The following CDHR3 variants were observed in gnomAD, a reference collection of about 807,000 sequenced individuals.
CDHR3 encodes cadherin-related family member 3.
Under a neutral mutation model 86.6 loss-of-function variants are expected in CDHR3, and 79 were observed. The ratio of observed to expected loss-of-function variants is 0.91; its 90% confidence interval spans 0.76 to 1.10. CDHR3 has a LOEUF of 1.10. Among genes scored for constraint, CDHR3 ranks in the 50% least tolerant of loss-of-function variants. The pLI is 0.00. For missense variants in CDHR3, 1,081 were observed against 1,077.6 expected, an observed-to-expected ratio of 1.00 and a Z score of -0.04; for synonymous variants, 421 against 402.4, an observed-to-expected ratio of 1.05 and a Z score of -0.55.
chr7:106,015,129 T>A lies in CDHR3; in HGVS notation c.1243T>A (p.Tyr415Asn). The A allele has an allele frequency of 6.2e-7, 1 of 1,608,332 alleles. No individual in the cohort carries two copies. The highest frequency in any genetic ancestry group is 8.5e-7 in the Non-Finnish European group (1 of 1,177,298). ...AATCTAGCTGATTGGTGATCTAGAC[T>A]ACGAAAATCCAAGTAACCTAGCAGC... Reference protein sequence around the residue: ...GKIVLIGDLDYENPSNLAAGN... With the variant: ...GKIVLIGDLDNENPSNLAAGN... Residue 415 changes from tyrosine to asparagine, a missense_variant, in exon 10 of 19, where the codon TAC (tyrosine) becomes AAC (asparagine). Coordinates refer to ENST00000317716, the MANE Select transcript of CDHR3 (RefSeq NM_152750.5).
intron 9 of CDHR3, among the ~76,000 whole-genome samples, chr7:106,013,335 G>A (rs1835099095): frequency 6.6e-6 from 1 of 152,142 alleles, no homozygotes; most frequent in Non-Finnish European, 1.5e-5. Context: ...CTGTGCTCAG[G>A]CACTTTTGTT....
At chr7:106,002,412 G>A (rs1468838320) in intron 7 of CDHR3, among the ~76,000 whole-genome samples, 2 of 152,344 alleles carry the variant, frequency 1.3e-5, no homozygotes, top group East Asian at 3.9e-4. Context: ...AAACCTGGGA[G>A]AATTTAGCAA....
chr7:106,019,424 A>G (rs1384688702), intron 12 of CDHR3, among the ~76,000 whole-genome samples: 1 of 150,498 alleles, frequency 6.6e-6, no homozygotes, highest in Non-Finnish European at 1.5e-5. Flanking sequence ...AATGGACTCC[A>G]CTCTGGGGGC....
intron 4 of CDHR3, among the ~76,000 whole-genome samples, chr7:105,990,603 T>C (rs1243682063): frequency 6.6e-6 from 1 of 152,174 alleles, no homozygotes; most frequent in Non-Finnish European, 1.5e-5. Context: ...TGTGGAGCCA[T>C]TGACACTCCC....
chr7:105,975,376 G>A (rs1270786552), intron 2 of CDHR3, among the ~76,000 whole-genome samples: 2 of 152,216 alleles, frequency 1.3e-5, no homozygotes, highest in East Asian at 3.9e-4. Flanking sequence ...GGAGTAGTTT[G>A]GATATTGATC....
In CDHR3 at chr7:105,994,792, T is replaced by C; in HGVS notation, c.555T>C (p.Ala185=). Residue 185 remains alanine (A), a synonymous_variant, in exon 5 of 19, where the codon GCT becomes GCC. Transcript: ENST00000317716. ...ISPPKSFRMS[A]NGTLFSTTEL... is the part of the protein sequence containing the mutation. ...CCCCAAAGAGCTTCAGAATGTCTGCTAATGGCACCCTCTTCTCCACAACAG... is the reference window on the plus strand; with the variant it reads ...CCCCAAAGAGCTTCAGAATGTCTGCCAATGGCACCCTCTTCTCCACAACAG... The C allele has an allele frequency of 1.9e-6, 3 of 1,612,848 alleles. No homozygotes were observed. Among genetic ancestry groups the C allele is most frequent in the Non-Finnish European group, 2.5e-6 (3 of 1,179,442 alleles).
At chr7:105,980,269 A>T (rs1829433146) in intron 2 of CDHR3, among the ~76,000 whole-genome samples, 2 of 152,184 alleles carry the variant, frequency 1.3e-5, no homozygotes, top group South Asian at 2.1e-4. Context: ...TTCTTTTTTT[A>T]AATTTTTTAT....
chr7:105,974,703 A>G (rs1247115276), intron 1 of CDHR3, 141 bp from the exon 2 acceptor site: 5 of 652,974 alleles, frequency 7.7e-6, no homozygotes, highest in Non-Finnish European at 1.4e-5. Flanking sequence ...AGCACTTGGC[A>G]AGAGCGTTTG....
intron 13 of CDHR3, among the ~76,000 whole-genome samples, chr7:106,021,856 C>T (rs962011858): frequency 2.6e-5 from 4 of 152,170 alleles, no homozygotes; most frequent in South Asian, 2.1e-4. Flanking sequence ...AAATAATTGC[C>T]GGATGAGAAA....
chr7:106,032,324 A>C, intron 18 of CDHR3, 69 bp from the exon 19 acceptor site: 1 of 1,422,346 alleles, frequency 7.0e-7, no homozygotes, highest in Non-Finnish European at 9.6e-7. Flanking sequence ...AGAGCAGGGT[A>C]GAAGTGGGGG....
chr7:106,029,576 CTCTT>C (rs202056076), intron 17 of CDHR3, among the ~76,000 whole-genome samples: 4 of 151,748 alleles, frequency 2.6e-5, no homozygotes, highest in African/African-American at 4.8e-5. Flanking sequence ...CTCTCTCTCT[CTCTT>C]TGACAGAACC....
In CDHR3 at chr7:106,018,187, G is replaced by A. The variant is rs191894071; in HGVS notation, c.1653+115G>A. ...GGAAACTTCCCAGGGTACATCCTGC[G>A]GATGTGGTGAGAAACAAGTAAAGGT... On this transcript the variant is annotated intron_variant, in intron 12 of 18. Coordinates refer to ENST00000317716, the MANE Select transcript of CDHR3 (RefSeq NM_152750.5). 9.8e-5 allele frequency: 74 copies of A among 751,336 alleles called. 1 individual carries two copies. The East Asian group carries it at 1.3e-3, about 13-fold the overall frequency. The allele number at this position is 751,336 out of a possible 1,614,324, so 46.5% of individuals were successfully genotyped here.
At chr7:106,015,315 T>A in intron 10 of CDHR3, 102 bp downstream of exon 10, 1 of 992,514 alleles carries the variant, frequency 1.0e-6, no homozygotes, top group Non-Finnish European at 1.5e-6. Flanking sequence ...CCCTTCTCAC[T>A]AGTACTGCCC....
intron 4 of CDHR3, among the ~76,000 whole-genome samples, chr7:105,989,128 G>T (rs1412527093): frequency 6.6e-6 from 1 of 152,110 alleles, no homozygotes; most frequent in Non-Finnish European, 1.5e-5. Flanking sequence ...TGGCTTGGAG[G>T]TATGCATTAA....
In CDHR3 at chr7:106,035,191, G is replaced by T. The variant is rs903648804; in HGVS notation, c.*2494G>T. Reference sequence around the variant, plus strand: ...AATTGTGCTTAATGGCCAGAGAAGAGATTTAAGTCAGGCACCAAGAGGGAC... The same window carrying T: ...AATTGTGCTTAATGGCCAGAGAAGATATTTAAGTCAGGCACCAAGAGGGAC... On this transcript the variant is annotated 3_prime_UTR_variant, in exon 19 of 19. Transcript: ENST00000317716. 6.6e-6 allele frequency among the ~76,000 whole-genome samples: 1 copy of T among 152,186 alleles called. No homozygotes were observed. Among genetic ancestry groups the T allele is most frequent in the Non-Finnish European group, 1.5e-5 (1 of 68,022 alleles).
At chr7:106,010,378 G>T (rs1348318784) in intron 8 of CDHR3, among the ~76,000 whole-genome samples, 2 of 152,226 alleles carry the variant, frequency 1.3e-5, no homozygotes, top group South Asian at 2.1e-4. Context: ...TTTTTAAAGT[G>T]CTTGGTATGA....
rs576176514 is a variant in CDHR3, at chr7:106,035,311, G to A, written c.*2614G>A. Among the ~76,000 whole-genome samples, 120 of 152,208 alleles carry A rather than the reference G, an allele frequency of 7.9e-4. No homozygotes were observed. The highest frequency in any genetic ancestry group is 1.6e-3 in the Non-Finnish European group (107 of 68,014). ...TCTTCCTAGTCGCAAGGCAAGCCTC[G>A]AGAAACTCAAGAAATAGGGGCAAGA... On this transcript the variant is annotated 3_prime_UTR_variant, in exon 19 of 19. Transcript: ENST00000317716.
chr7:106,030,127 A>G lies in CDHR3; in HGVS notation c.2305-665A>G, dbSNP rs561068752. On this transcript the variant is annotated intron_variant, in intron 17 of 18. Transcript: ENST00000317716. This position sits in a 1 kb window ranked among gnomAD's most constrained non-coding sequence, Gnocchi z 4.8. ...CTGTGCTAGTGACCCTGACTTTGGC[A>G]CCTCTAGAGGGCAGCATGTGAGGGA... 1.3e-5 allele frequency among the ~76,000 whole-genome samples: 2 copies of G among 152,250 alleles called. No homozygotes were observed. Among genetic ancestry groups the G allele is most frequent in the Admixed American group, 1.3e-4 (2 of 15,302 alleles).
Position 106,019,056 on chromosome 7 carries a change from C to G in CDHR3, c.1653+984C>G, listed in dbSNP as rs375608867. Among the ~76,000 whole-genome samples, 9 of 152,294 alleles carry G rather than the reference C, an allele frequency of 5.9e-5. No individual in the cohort carries two copies. The East Asian group carries it at 1.7e-3, about 29-fold the overall frequency. On this transcript the variant is annotated intron_variant, in intron 12 of 18. Coordinates refer to ENST00000317716, the MANE Select transcript of CDHR3 (RefSeq NM_152750.5). Reference sequence around the variant, plus strand: ...CACAAAGACCAAACTATTCCCTGGTCCTTCCCATTAGTAAAGTAAAAAAGC... The same window carrying G: ...CACAAAGACCAAACTATTCCCTGGTGCTTCCCATTAGTAAAGTAAAAAAGC...
Sources: allele counts gnomAD v4.1 joint callset (sites outside exome capture counted in the v4.1 genomes callset), GRCh38; gene constraint gnomAD v4.1.1; non-coding constraint Gnocchi (gnomAD v3.1); transcripts MANE v1.5; gene names NCBI Gene and HGNC (gene_info 2026-07-23, HGNC 2026-07-21).